Variants in ITIH4 observed in about 807,000 individuals in gnomAD.
ITIH4 encodes the protein inter-alpha-trypsin inhibitor heavy chain H4.
ITIH4 carries 79 observed loss-of-function variants against 111.8 expected under a neutral mutation model. The ratio of observed to expected loss-of-function variants is 0.71; its 90% CI spans 0.59 to 0.85. The LOEUF (loss-of-function observed/expected upper bound fraction) is 0.85, where lower values mean the gene tolerates loss of function less well. Among genes scored for constraint, ITIH4 ranks in the 40% least tolerant of loss-of-function variants. The pLI is 0.00. For synonymous variants in ITIH4, 472 were observed against 468.3 expected (o/e 1.01, Z -0.10); for missense variants, 1,065 against 1,195.8 (o/e 0.89, Z 1.61).
chr3:52,824,772 G>T lies in ITIH4; in HGVS notation c.876+70C>A. 1 of 1,366,076 alleles carries T rather than the reference G, an allele frequency of 7.3e-7. No individual in the cohort carries two copies. Among genetic ancestry groups the T allele is most frequent in the Non-Finnish European group, 1.0e-6 (1 of 979,228 alleles). 84.6% of individuals were successfully genotyped at this position (1,366,076 alleles called of 1,614,324 possible). ...AAAGGTGAAGCAAGGGGGTCTGCCT[G>T]CCGGACCACAGCTGATAGCGTGAAG... On this transcript the variant is annotated intron_variant, in intron 7 of 23. Coordinates refer to ENST00000266041, the MANE Select transcript of ITIH4 (RefSeq NM_002218.5). This position sits in a 1 kb window ranked among gnomAD's most constrained non-coding sequence, Gnocchi z 4.3.
intron 2 of ITIH4, among the ~76,000 whole-genome samples, chr3:52,828,228 G>A (rs1030431944): frequency 4.9e-4 from 75 of 152,214 alleles, no homozygotes; most frequent in Non-Finnish European, 1.2e-4. Flanking sequence ...CAGATGCCAC[G>A]GGCCTGGACC....
At chr3:52,816,857 T>C in intron 21 of ITIH4, 27 bp downstream of exon 21, 1 of 1,606,278 alleles carries the variant, frequency 6.2e-7, no homozygotes. Flanking sequence ...GGTCAACCCC[T>C]GCCCCGGGCT....
intron 2 of ITIH4, among the ~76,000 whole-genome samples, chr3:52,827,618 C>T (rs758357625): frequency 6.6e-6 from 1 of 152,226 alleles, no homozygotes; most frequent in Non-Finnish European, 1.5e-5. Context: ...ACACTTGTTC[C>T]CAGCCCTGCG....
At chr3:52,819,290 G>A in intron 17 of ITIH4, 103 bp downstream of exon 17, 3 of 1,356,214 alleles carry the variant, frequency 2.2e-6, no homozygotes, top group Non-Finnish European at 3.1e-6. Context: ...GCCGTCCCTG[G>A]CCTGGCCCTG....
chr3:52,820,025 AC>A, intron 14 of ITIH4, 35 bp from the exon 15 acceptor site: 1 of 1,607,242 alleles, frequency 6.2e-7, no homozygotes, highest in Non-Finnish European at 8.5e-7. Context: ...TGCATCTTGC[AC>A]CCACCTTCCT....
rs199786676 is a variant in ITIH4 at position 52,819,971 on chromosome 3, A to G, written c.1881T>C (p.Tyr627=). ...TTGGTATTTTTGCTCCCTGGAGATA[A>G]TATTTGAAGAAAGTGGAACCTGGAA... ...NVHSGSTFFK[Y]YLQGAKIPKP... The change falls in exon 15 of 24, where the codon TAT becomes TAC. Residue 627 remains tyrosine (Y), a synonymous_variant. Transcript: ENST00000266041. 3.4e-5 allele frequency: 55 copies of G among 1,613,946 alleles called. No individual in the cohort carries two copies. The highest frequency in any genetic ancestry group is 4.4e-5 in the Non-Finnish European group (52 of 1,180,036).
At chr3:52,815,079 C>T (rs1029178729) in intron 21 of ITIH4, among the ~76,000 whole-genome samples, 6 of 152,020 alleles carry the variant, frequency 3.9e-5, no homozygotes, top group African/African-American at 1.4e-4. Context: ...TTAAAATAAC[C>T]CTTGAAATTC....
At chr3:52,821,849 G>A (rs2256332) in intron 11 of ITIH4, among the ~76,000 whole-genome samples, 73,016 of 152,012 alleles carry the variant, frequency 0.48, 18,939 homozygotes, top group African/African-American at 0.68. Context: ...CCTTTTCACA[G>A]TGCGGATCAG....
chr3:52,822,576 A>T (rs2154111458), intron 11 of ITIH4, among the ~76,000 whole-genome samples: 1 of 152,236 alleles, frequency 6.6e-6, no homozygotes, highest in African/African-American at 2.4e-5. Flanking sequence ...GGGGCATGCG[A>T]CTTATTCCCA....
chr3:52,817,131 C>T, intron 20 of ITIH4, 73 bp from the exon 21 acceptor site: 2 of 1,292,570 alleles, frequency 1.5e-6, no homozygotes, highest in East Asian at 4.7e-5. Context: ...TGGGGAGTCC[C>T]CCCTGATCAC....
In ITIH4 at chr3:52,820,572, G is replaced by C. The variant is rs1444323535; in HGVS notation, c.1834+59C>G. The C allele has an allele frequency of 1.9e-6, 3 of 1,547,804 alleles. No homozygotes were observed. In the East Asian group the frequency reaches 6.8e-5, roughly 35 times the overall value. ...TGGTCAGGATGCAGGGAAGATCGGGGAGAACGCTGGGTCCAAACTCTGCTA... is the reference window on the plus strand; with the variant it reads ...TGGTCAGGATGCAGGGAAGATCGGGCAGAACGCTGGGTCCAAACTCTGCTA... On this transcript the variant is annotated intron_variant, in intron 13 of 23. Coordinates refer to ENST00000266041, the MANE Select transcript of ITIH4 (RefSeq NM_002218.5).
In ITIH4 at chr3:52,823,734, T is replaced by C; in HGVS notation, c.1361A>G (p.Tyr454Cys). 6.2e-7 allele frequency: 1 copy of C among 1,614,158 alleles called. No individual in the cohort carries two copies. The highest frequency in any genetic ancestry group is 1.1e-5 in the South Asian group (1 of 91,088). Reference sequence around the variant, plus strand: ...CAGCAGTGGGTTGGCCACTTCCTGGTAGAAGTCCTGCAGGGTTGGGGGTGT... The same window carrying C: ...CAGCAGTGGGTTGGCCACTTCCTGGCAGAAGTCCTGCAGGGTTGGGGGTGT... The part of the protein sequence containing the change: ...SDSALQLQDF[Y>C]QEVANPLLTA... Residue 454 changes from tyrosine to cysteine, a missense_variant, in exon 11 of 24, where the codon TAC becomes TGC. Physicochemically the swap from Tyr to Cys is radical, Grantham distance 194. Coordinates refer to ENST00000266041, the MANE Select transcript of ITIH4 (RefSeq NM_002218.5).
Position 52,813,161 on chromosome 3 carries a change from G to C in ITIH4, c.*260C>G. 2.1e-6 allele frequency: 1 copy of C among 474,128 alleles called. No homozygotes were observed. Among genetic ancestry groups the C allele is most frequent in the Admixed American group, 3.6e-5 (1 of 27,436 alleles). 29.4% of individuals were successfully genotyped at this position (474,128 alleles called of 1,614,324 possible). A position where few individuals can be genotyped will look rare whatever the true frequency, so the allele number is the denominator to read the frequency against. On this transcript the variant is annotated 3_prime_UTR_variant, in exon 24 of 24. Transcript: ENST00000266041. Reference sequence around the variant, plus strand: ...GGGCTGGACTGAAAGCTCAGCATGGGCCTTCCTGGCCATGGGCTCTTGAGA... The same window carrying C: ...GGGCTGGACTGAAAGCTCAGCATGGCCCTTCCTGGCCATGGGCTCTTGAGA...
At chr3:52,825,324 G>A in intron 6 of ITIH4, 1 of 159,376 alleles carries the variant, frequency 6.3e-6, no homozygotes, top group Non-Finnish European at 1.4e-5. Context: ...AGAAATGGCT[G>A]GGTGTGGTGA....
At chr3:52,817,153 T>G in intron 20 of ITIH4, 95 bp from the exon 21 acceptor site, 1 of 1,031,832 alleles carries the variant, frequency 9.7e-7, no homozygotes, top group South Asian at 1.6e-5. Context: ...CCCCCTGGAG[T>G]TCTGCAGCAG....
At chr3:52,819,145 G>A (rs1700328588) in intron 17 of ITIH4, 2 of 495,216 alleles carry the variant, frequency 4.0e-6, no homozygotes, top group Admixed American at 3.3e-5. Flanking sequence ...GAGACGCTAA[G>A]GATGGGGCAG....
At chr3:52,817,471 C>T (rs1700297616) in intron 20 of ITIH4, among the ~76,000 whole-genome samples, 1 of 152,190 alleles carries the variant, frequency 6.6e-6, no homozygotes, top group Non-Finnish European at 1.5e-5. Flanking sequence ...GTGACACATG[C>T]ATCTGAGGAA....
Position 52,818,603 on chromosome 3 carries a change from C to T in ITIH4, c.2078-67G>A, listed in dbSNP as rs13326686. ...CAGTCAGGAGGCGGGCAACCAGCAG[C>T]GCTGCCACCAAGCTCCAGCCCCCCA... On this transcript the variant is annotated intron_variant, in intron 17 of 23. Coordinates refer to ENST00000266041, the MANE Select transcript of ITIH4 (RefSeq NM_002218.5). The T allele has an allele frequency of 2.1e-3, 2,880 of 1,349,534 alleles. 59 individuals are homozygous for T. In the African/African-American group the frequency reaches 0.037, roughly 17 times the overall value. 83.6% of individuals were successfully genotyped at this position (1,349,534 alleles called of 1,614,324 possible). A position where few individuals can be genotyped will look rare whatever the true frequency, so the allele number is the denominator to read the frequency against.
In ITIH4 at chr3:52,817,005, C is replaced by G; in HGVS notation, c.2350G>C (p.Glu784Gln). ...EREKAGFSWIEVTFKNPLVWV... is the reference protein window; with the variant it reads ...EREKAGFSWIQVTFKNPLVWV... ...ACCAGGGGGTTCTTGAAGGTCACTT[C>G]GATCCATGAGAACCCAGCCTTCTCC... is the stretch of plus-strand genomic sequence containing the variant. Residue 784 changes from glutamate to glutamine, a missense_variant, in exon 21 of 24, where the codon GAA becomes CAA. Transcript: ENST00000266041. 1.2e-6 allele frequency: 2 copies of G among 1,613,968 alleles called. No individual in the cohort carries two copies. Among genetic ancestry groups the G allele is most frequent in the Non-Finnish European group, 1.7e-6 (2 of 1,179,946 alleles).
Sources: gnomAD v4.1 joint callset for allele counts (sites outside exome capture counted in the v4.1 genomes callset) on GRCh38, gnomAD v4.1.1 for gene constraint, Gnocchi (gnomAD v3.1) non-coding constraint, MANE v1.5 for transcripts, NCBI Gene and HGNC (gene_info 2026-07-23, HGNC 2026-07-21) for gene names.